The following PRKG1 variants were observed in gnomAD, a reference collection of about 807,000 sequenced individuals.
PRKG1 encodes protein kinase cGMP-dependent 1, also known as cGMP-dependent protein kinase 1.
In PRKG1, 35 loss-of-function variants were observed where a neutral mutation model predicts 88.1. The ratio of observed to expected loss-of-function variants is 0.40; its 90% CI spans 0.30 to 0.53. PRKG1 has a LOEUF of 0.53. PRKG1 is among the 20% of genes least tolerant of loss of function. PRKG1 has a pLI of 0.59. For synonymous variants in PRKG1, 303 were observed against 292.5 expected, an observed-to-expected ratio of 1.04 and a Z score of -0.37; for missense variants, 540 against 839.8, an observed-to-expected ratio of 0.64 and a Z score of 4.41.
At chr10:51,587,913 T>G (rs1164829591) in intron 3 of PRKG1, among the ~76,000 whole-genome samples, 1 of 152,240 alleles carries the variant, frequency 6.6e-6, no homozygotes, top group Non-Finnish European at 1.5e-5. Context: ...CATACTTTTC[T>G]ATACCATACA....
intron 5 of PRKG1, among the ~76,000 whole-genome samples, chr10:51,963,331 T>C (rs377315927): frequency 1.3e-5 from 2 of 152,242 alleles, no homozygotes; most frequent in East Asian, 3.8e-4. Context: ...ATTAAGATGA[T>C]GATTTAGCAC....
chr10:51,813,104 T>G (rs1300629839), intron 4 of PRKG1, among the ~76,000 whole-genome samples: 2 of 152,208 alleles, frequency 1.3e-5, no homozygotes, highest in African/African-American at 4.8e-5. Context: ...GAAAAATCTT[T>G]TGAATTTGCT....
chr10:51,635,622 G>T (rs1006682833), intron 3 of PRKG1, among the ~76,000 whole-genome samples: 2 of 152,128 alleles, frequency 1.3e-5, no homozygotes, highest in Non-Finnish European at 2.9e-5. Context: ...GTCCTAGACA[G>T]ATGGCCATTT....
intron 3 of PRKG1, among the ~76,000 whole-genome samples, chr10:51,578,148 T>C (rs1280887409): frequency 6.6e-6 from 1 of 152,082 alleles, no homozygotes; most frequent in Non-Finnish European, 1.5e-5. Flanking sequence ...CTCTGGATAT[T>C]TCTAACAATT....
intron 3 of PRKG1, among the ~76,000 whole-genome samples, chr10:51,746,756 GAAAGAAAAAA>G (rs1837591006): frequency 6.7e-6 from 1 of 149,564 alleles, no homozygotes; most frequent in Non-Finnish European, 1.5e-5. Context: ...AAAAAGAAAA[GAAAGAAAAAA>G]AAAGAAAAGA....
intron 5 of PRKG1, among the ~76,000 whole-genome samples, chr10:51,953,454 G>A (rs982971567): frequency 1.3e-5 from 2 of 152,140 alleles, no homozygotes; most frequent in African/African-American, 4.8e-5. Flanking sequence ...TTCAGTAAAT[G>A]TCTTTTCTCT....
At chr10:52,075,722 G>GCTAA (rs1846611970) in intron 7 of PRKG1, among the ~76,000 whole-genome samples, 1 of 152,194 alleles carries the variant, frequency 6.6e-6, no homozygotes, top group African/African-American at 2.4e-5. Context: ...AGGTCAAGAT[G>GCTAA]CTAACATTGT....
chr10:51,099,223 T>C (rs879271931), intron 1 of PRKG1, among the ~76,000 whole-genome samples: 3 of 152,124 alleles, frequency 2.0e-5, no homozygotes, highest in Non-Finnish European at 4.4e-5. Context: ...TGAATCCTCA[T>C]TCCTAAGGAA....
At chr10:51,892,967 A>C (rs1042380077) in intron 4 of PRKG1, among the ~76,000 whole-genome samples, 2 of 152,198 alleles carry the variant, frequency 1.3e-5, no homozygotes, top group Non-Finnish European at 2.9e-5. Flanking sequence ...TAATTTATTT[A>C]ATTCCATAAA....
At chr10:51,414,877 A>G (rs1838196229) in intron 2 of PRKG1, among the ~76,000 whole-genome samples, 1 of 152,226 alleles carries the variant, frequency 6.6e-6, no homozygotes, top group South Asian at 2.1e-4. Context: ...GAAAAACTTT[A>G]ACTATAAAAG....
rs12355996 is a variant in PRKG1, at chr10:51,621,005, G to A, written c.592+153169G>A. 3.2e-3 allele frequency among the ~76,000 whole-genome samples: 400 copies of A among 123,118 alleles called. 2 individuals are homozygous for A. Among genetic ancestry groups the A allele is most frequent in the African/African-American group, 0.011 (372 of 34,598 alleles). 80.8% of individuals were successfully genotyped at this position (123,118 alleles called of 152,430 possible). On this transcript the variant is annotated intron_variant, in intron 3 of 17. Coordinates refer to ENST00000373980, the MANE Select transcript of PRKG1 (RefSeq NM_006258.4). ...TGTATGTGTGTGTGTGTGTGTATAT[G>A]TGTGTATATATATATATATATATAT...
chr10:51,734,427 T>G (rs1837211044), intron 3 of PRKG1, among the ~76,000 whole-genome samples: 2 of 152,176 alleles, frequency 1.3e-5, no homozygotes, highest in Admixed American at 1.3e-4. Context: ...TTTATTTTAT[T>G]TTTATTTCAG....
intron 2 of PRKG1, among the ~76,000 whole-genome samples, chr10:51,239,661 C>T (rs1028358259): frequency 1.8e-4 from 28 of 152,214 alleles, no homozygotes; most frequent in African/African-American, 6.7e-4. Context: ...GAAATTCTTG[C>T]ATTATTTCTA....
intron 3 of PRKG1, among the ~76,000 whole-genome samples, chr10:51,468,748 T>C (rs936758737): frequency 1.4e-4 from 21 of 151,906 alleles, no homozygotes; most frequent in African/African-American, 4.8e-4. Context: ...ACAAGTACAT[T>C]GTGAATTTCA....
chr10:51,982,885 G>T (rs1489161269), intron 5 of PRKG1, among the ~76,000 whole-genome samples: 14 of 152,342 alleles, frequency 9.2e-5, no homozygotes, highest in African/African-American at 3.4e-4. Flanking sequence ...CTGCCTCCAT[G>T]CAGGCAGTCA....
At chr10:51,534,555 C>T (rs926520620) in intron 3 of PRKG1, among the ~76,000 whole-genome samples, 1 of 47,434 alleles carries the variant, frequency 2.1e-5, no homozygotes, top group African/African-American at 5.0e-5. Flanking sequence ...GTAGTCCCAG[C>T]TACTCGGGAG....
chr10:51,424,543 G>A (rs533262939), intron 2 of PRKG1, among the ~76,000 whole-genome samples: 19 of 152,140 alleles, frequency 1.2e-4, no homozygotes, highest in South Asian at 8.3e-4. Context: ...GGAGGGTAGC[G>A]TTGATTATAT....
intron 5 of PRKG1, among the ~76,000 whole-genome samples, chr10:51,958,204 A>G (rs1176787534): frequency 1.3e-5 from 2 of 152,212 alleles, no homozygotes; most frequent in African/African-American, 4.8e-5. Context: ...AAGAATTGCT[A>G]TACTTCCTAC....
intron 5 of PRKG1, among the ~76,000 whole-genome samples, chr10:51,983,260 G>T (rs558205445): frequency 3.0e-4 from 46 of 152,218 alleles, no homozygotes; most frequent in African/African-American, 1.1e-3. Context: ...TGCTGGTGGG[G>T]CAAGGAAGGT....
Sources: allele counts gnomAD v4.1 joint callset (sites outside exome capture counted in the v4.1 genomes callset), GRCh38; gene constraint gnomAD v4.1.1; transcripts MANE v1.5; gene names NCBI Gene and HGNC (gene_info 2026-07-23, HGNC 2026-07-21).